Variants in COL24A1 observed in about 807,000 individuals in gnomAD.
COL24A1 encodes the protein collagen type XXIV alpha 1 chain.
Under a neutral mutation model 253.9 loss-of-function variants are expected in COL24A1, and 224 were observed. That is an observed-to-expected ratio of 0.88 (90% CI 0.79 to 0.99). COL24A1 has a LOEUF of 0.99. COL24A1 is among the 50% of genes least tolerant of loss of function. COL24A1 has a pLI of 0.00. For synonymous variants in COL24A1, 685 were observed against 673.7 expected, an observed-to-expected ratio of 1.02 and a Z score of -0.26; for missense variants, 2,131 against 2,068.5, an observed-to-expected ratio of 1.03 and a Z score of -0.59.
At chr1:86,033,805 A>G in intron 13 of COL24A1, 65 bp downstream of exon 13, 1 of 1,344,410 alleles carries the variant, frequency 7.4e-7, no homozygotes. Context: ...TAAGGACTGT[A>G]AGTGCAGTGC....
chr1:86,103,958 A>C (rs1381767976), intron 5 of COL24A1, among the ~76,000 whole-genome samples: 1 of 152,126 alleles, frequency 6.6e-6, no homozygotes, highest in African/African-American at 2.4e-5. Flanking sequence ...GTTCTCATGG[A>C]TGATATCCTG....
Position 86,023,020 on chromosome 1 carries a change from A to C in COL24A1, c.2050-13T>G. 6.2e-7 allele frequency: 1 copy of C among 1,610,906 alleles called. No homozygotes were observed. Among genetic ancestry groups the C allele is most frequent in the Non-Finnish European group, 8.5e-7 (1 of 1,178,114 alleles). On this transcript the variant is annotated splice_polypyrimidine_tract_variant and intron_variant, in intron 14 of 59. Coordinates refer to ENST00000370571, the MANE Select transcript of COL24A1 (RefSeq NM_152890.7). The stretch of plus-strand genomic sequence containing the variant: ...GGCCAACACTGCCCTGGAAAACAGT[A>C]AGAAAGAAATGCATCATTAAGCATT...
intron 24 of COL24A1, among the ~76,000 whole-genome samples, chr1:85,924,903 G>C (rs1687005220): frequency 6.6e-6 from 1 of 152,206 alleles, no homozygotes; most frequent in African/African-American, 2.4e-5. Context: ...CAGAGGACAT[G>C]ATTGTATACT....
intron 14 of COL24A1, among the ~76,000 whole-genome samples, chr1:86,026,103 C>A (rs1371524929): frequency 4.6e-5 from 7 of 152,116 alleles, no homozygotes; most frequent in Admixed American, 2.6e-4. Flanking sequence ...TTAGGCCTAG[C>A]AGTTAGTTCA....
At chr1:85,782,595 G>C (rs1669250747) in intron 51 of COL24A1, among the ~76,000 whole-genome samples, 1 of 152,144 alleles carries the variant, frequency 6.6e-6, no homozygotes, top group South Asian at 2.1e-4. Context: ...CTATTGCAAG[G>C]ACAAAAAACC....
chr1:86,142,538 A>G (rs1651291820), intron 2 of COL24A1, among the ~76,000 whole-genome samples: 1 of 150,352 alleles, frequency 6.7e-6, no homozygotes, highest in Admixed American at 6.7e-5. Context: ...AAAAAACAAA[A>G]AACAAAAAAC....
rs186661023 is a variant in COL24A1, at chr1:85,745,965, G to A, written c.4438-459C>T. ...CATTAATTTAATCTGATACTTCTGC[G>A]GTTTTAAAAATAATTTCTGAAGTTG... On this transcript the variant is annotated intron_variant, in intron 55 of 59. Transcript: ENST00000370571. Among the ~76,000 whole-genome samples the A allele has an allele frequency of 1.3e-3, 196 of 152,136 alleles. 1 individual carries two copies. Among genetic ancestry groups the A allele is most frequent in the Middle Eastern group, 6.8e-3 (2 of 294 alleles).
At chr1:86,059,042 C>T in intron 9 of COL24A1, 79 bp downstream of exon 9, 1 of 855,414 alleles carries the variant, frequency 1.2e-6, no homozygotes, top group Non-Finnish European at 1.7e-6. Context: ...ACTATTTGAA[C>T]ATTAATTCTC....
chr1:85,763,821 C>A (rs964580546), intron 53 of COL24A1, among the ~76,000 whole-genome samples: 4 of 151,982 alleles, frequency 2.6e-5, no homozygotes, highest in Non-Finnish European at 5.9e-5. Flanking sequence ...TAAAGGGGAA[C>A]CAAATTACTC....
chr1:86,028,702 C>T (rs1219920575), intron 14 of COL24A1, among the ~76,000 whole-genome samples: 1 of 152,218 alleles, frequency 6.6e-6, no homozygotes, highest in African/African-American at 2.4e-5. Context: ...TGTAGAATCT[C>T]TTCCCATGAA....
At chr1:85,755,611 AC>A (rs1666157128) in intron 55 of COL24A1, among the ~76,000 whole-genome samples, 1 of 152,138 alleles carries the variant, frequency 6.6e-6, no homozygotes, top group African/African-American at 2.4e-5. Flanking sequence ...GAGTGCTAAG[AC>A]CATTCAATGA....
chr1:86,116,136 A>G (rs1196133519), intron 3 of COL24A1, among the ~76,000 whole-genome samples: 1 of 151,166 alleles, frequency 6.6e-6, no homozygotes, highest in Non-Finnish European at 1.5e-5. Flanking sequence ...GATATGGTTG[A>G]ACACATATTC....
intron 33 of COL24A1, among the ~76,000 whole-genome samples, chr1:85,875,910 C>G (rs1275208600): frequency 1.3e-5 from 2 of 151,994 alleles, no homozygotes; most frequent in Non-Finnish European, 2.9e-5. Flanking sequence ...GATGTTACAA[C>G]TATTTTTGTC....
chr1:85,741,305 T>C (rs1386246075), intron 57 of COL24A1, among the ~76,000 whole-genome samples: 1 of 152,180 alleles, frequency 6.6e-6, no homozygotes, highest in East Asian at 1.9e-4. Context: ...GATTGTGTGC[T>C]GGGCACTGCA....
At chr1:86,119,046 T>A (rs1004744221) in intron 3 of COL24A1, among the ~76,000 whole-genome samples, 11 of 152,192 alleles carry the variant, frequency 7.2e-5, no homozygotes, top group African/African-American at 2.4e-4. Flanking sequence ...TAAACAATGT[T>A]ATCTGATTCA....
intron 12 of COL24A1, among the ~76,000 whole-genome samples, chr1:86,043,390 T>C (rs1035656831): frequency 2.6e-5 from 4 of 152,100 alleles, no homozygotes; most frequent in African/African-American, 9.7e-5. Context: ...GAAATATTAA[T>C]TTAAAAAATT....
intron 19 of COL24A1, among the ~76,000 whole-genome samples, chr1:86,015,977 C>T (rs530562814): frequency 1.5e-4 from 22 of 151,178 alleles, no homozygotes; most frequent in Non-Finnish European, 2.7e-4. Flanking sequence ...CATCCTACCT[C>T]AGCCTCCCGA....
intron 1 of COL24A1, chr1:86,154,941 C>G (rs912390680): frequency 6.6e-6 from 1 of 152,388 alleles, no homozygotes; most frequent in African/African-American, 2.4e-5. Flanking sequence ...CGGCTGCAAC[C>G]CCCGACTCTC....
In COL24A1 at chr1:85,933,106, G is replaced by GA. The variant is rs71078630; in HGVS notation, c.2563-21674dup. ...GTATAATAAAAAAAAAAAAAAGAAA[G>GA]AAAGAAAAAAAAAAGAATGTGTGTA... On this transcript the variant is annotated intron_variant, in intron 24 of 59. Transcript: ENST00000370571. Among the ~76,000 whole-genome samples, 40 of 60,962 alleles carry GA rather than the reference G, an allele frequency of 6.6e-4. 1 individual carries two copies. The highest frequency in any genetic ancestry group is 1.5e-3 in the African/African-American group (27 of 17,618). 40.0% of individuals were successfully genotyped at this position (60,962 alleles called of 152,430 possible).
Sources: gnomAD v4.1 joint callset for allele counts (sites outside exome capture counted in the v4.1 genomes callset) on GRCh38, gnomAD v4.1.1 for gene constraint, MANE v1.5 for transcripts, NCBI Gene and HGNC (gene_info 2026-07-23, HGNC 2026-07-21) for gene names.